Variants in PRKCB observed in about 807,000 individuals in gnomAD.
PRKCB encodes protein kinase C beta, also known as protein kinase C beta type.
A neutral mutation model predicts 81.5 loss-of-function variants in PRKCB; 13 were observed. That is an observed-to-expected ratio of 0.16 (90% CI 0.10 to 0.25). The LOEUF (loss-of-function observed/expected upper bound fraction) is 0.25, where lower values mean the gene tolerates loss of function less well. Among genes scored for constraint, PRKCB ranks in the 10% least tolerant of loss-of-function variants. The probability of loss-of-function intolerance (pLI) is 1.00; values close to 1 mark genes in which losing one functional copy is unlikely to be tolerated. For missense variants in PRKCB, 509 were observed against 875.7 expected, an observed-to-expected ratio of 0.58 and a Z score of 5.29; for synonymous variants, 335 against 321.4, an observed-to-expected ratio of 1.04 and a Z score of -0.45.
intron 10 of PRKCB, among the ~76,000 whole-genome samples, chr16:24,155,685 T>C (rs945071856): frequency 1.3e-5 from 2 of 152,212 alleles, no homozygotes; most frequent in Non-Finnish European, 2.9e-5. Context: ...GCCCAACCCA[T>C]ATATGAGATG....
chr16:24,133,493 A>C (rs1334811858), intron 9 of PRKCB, among the ~76,000 whole-genome samples: 1 of 152,128 alleles, frequency 6.6e-6, no homozygotes, highest in African/African-American at 2.4e-5. Context: ...GGAGTCCCCA[A>C]GTCTTGGAAG....
intron 2 of PRKCB, among the ~76,000 whole-genome samples, chr16:23,904,137 T>C (rs568828809): frequency 6.6e-6 from 1 of 152,288 alleles, no homozygotes; most frequent in African/African-American, 2.4e-5. Flanking sequence ...GGGGTGTGTC[T>C]ACCTTGTTCA....
In PRKCB at chr16:24,180,935, G is replaced by A. The variant is rs753197392; in HGVS notation, c.1533+7G>A. ...AGACTACATCGCCCCCGAGGTGAGA[G>A]CTGCTGGGCACACGTTCACATTGCG... On this transcript the variant is annotated splice_region_variant and intron_variant, in intron 13 of 16. Coordinates refer to ENST00000643927, the MANE Select transcript of PRKCB (RefSeq NM_002738.7). 1.9e-6 allele frequency: 3 copies of A among 1,613,684 alleles called. No homozygotes were observed. The highest frequency in any genetic ancestry group is 2.5e-6 in the Non-Finnish European group (3 of 1,179,732).
At chr16:24,084,101 C>T (rs892197042) in intron 5 of PRKCB, among the ~76,000 whole-genome samples, 1 of 152,008 alleles carries the variant, frequency 6.6e-6, no homozygotes, top group African/African-American at 2.4e-5. Context: ...AATATGGAAA[C>T]AAGCTTAAGG....
chr16:23,893,415 T>G (rs1353513819), intron 2 of PRKCB: 3 of 152,274 alleles, frequency 2.0e-5, no homozygotes, highest in Non-Finnish European at 4.4e-5. Context: ...GAGGATTTTC[T>G]AACATTCATG....
intron 7 of PRKCB, among the ~76,000 whole-genome samples, chr16:24,110,048 A>G (rs1374385741): frequency 7.5e-6 from 1 of 132,740 alleles, no homozygotes; most frequent in African/African-American, 3.5e-5. Context: ...TGGCAGCAGT[A>G]CAGTCCAGCT....
chr16:24,211,178 C>T (rs991845313), intron 16 of PRKCB, among the ~76,000 whole-genome samples: 1 of 152,140 alleles, frequency 6.6e-6, no homozygotes, highest in African/African-American at 2.4e-5. Context: ...ACAGCAGAAA[C>T]AATTTAGCTT....
intron 5 of PRKCB, among the ~76,000 whole-genome samples, chr16:24,076,597 G>T (rs1016812835): frequency 6.6e-6 from 1 of 152,204 alleles, no homozygotes; most frequent in African/African-American, 2.4e-5. Context: ...GGGGGGAGGA[G>T]CCTCAGGGTA....
rs1967611179 is a variant in PRKCB, at chr16:24,180,939, C to T, written c.1533+11C>T. 2 of 1,613,164 alleles carry T rather than the reference C, an allele frequency of 1.2e-6. No homozygotes were observed. The highest frequency in any genetic ancestry group is 1.7e-6 in the Non-Finnish European group (2 of 1,179,448). On this transcript the variant is annotated intron_variant, in intron 13 of 16. Coordinates refer to ENST00000643927, the MANE Select transcript of PRKCB (RefSeq NM_002738.7). ...TACATCGCCCCCGAGGTGAGAGCTGCTGGGCACACGTTCACATTGCGGTGA... is the reference window on the plus strand; with the variant it reads ...TACATCGCCCCCGAGGTGAGAGCTGTTGGGCACACGTTCACATTGCGGTGA...
chr16:24,202,790 C>G (rs1047973065), intron 16 of PRKCB, among the ~76,000 whole-genome samples: 4 of 152,212 alleles, frequency 2.6e-5, no homozygotes, highest in African/African-American at 9.6e-5. Context: ...TGAATAACTT[C>G]CTAGTTTCCT....
At chr16:24,007,412 T>C (rs1457940769) in intron 3 of PRKCB, among the ~76,000 whole-genome samples, 1 of 152,236 alleles carries the variant, frequency 6.6e-6, no homozygotes, top group Non-Finnish European at 1.5e-5. Context: ...AGAGAGGGGC[T>C]GATAAAATGA....
intron 3 of PRKCB, among the ~76,000 whole-genome samples, chr16:24,005,917 G>T (rs1349777487): frequency 6.6e-6 from 1 of 152,186 alleles, no homozygotes; most frequent in East Asian, 1.9e-4. Context: ...CAAAAATAAT[G>T]CTCCTTCCAG....
At chr16:24,120,575 A>G (rs1009813033) in intron 8 of PRKCB, among the ~76,000 whole-genome samples, 2 of 152,094 alleles carry the variant, frequency 1.3e-5, no homozygotes, top group African/African-American at 2.4e-5. Flanking sequence ...TCTCAGTGGA[A>G]ACAACCAGCA....
At chr16:24,085,506 T>C (rs755585492) in intron 5 of PRKCB, among the ~76,000 whole-genome samples, 1 of 152,194 alleles carries the variant, frequency 6.6e-6, no homozygotes, top group Non-Finnish European at 1.5e-5. Context: ...CCTCTATCAT[T>C]AGGGTAGTCA....
At chr16:23,986,072 T>A (rs1964799447) in intron 2 of PRKCB, among the ~76,000 whole-genome samples, 1 of 151,992 alleles carries the variant, frequency 6.6e-6, no homozygotes, top group African/African-American at 2.4e-5. Flanking sequence ...TAGACATGGA[T>A]CAAAGAGTTT....
intron 2 of PRKCB, among the ~76,000 whole-genome samples, chr16:23,983,400 C>T (rs1964763113): frequency 6.6e-6 from 1 of 152,152 alleles, no homozygotes; most frequent in Non-Finnish European, 1.5e-5. Flanking sequence ...GATTCTGCCT[C>T]AGTGGGGATG....
intron 2 of PRKCB, among the ~76,000 whole-genome samples, chr16:23,843,916 C>G (rs1241863135): frequency 6.6e-6 from 1 of 151,794 alleles, no homozygotes; most frequent in Non-Finnish European, 1.5e-5. Context: ...TTCTCTCTGT[C>G]TCTGCTTATC....
At chr16:24,058,442 T>C (rs936546302) in intron 5 of PRKCB, among the ~76,000 whole-genome samples, 1 of 148,828 alleles carries the variant, frequency 6.7e-6, no homozygotes, top group African/African-American at 2.5e-5. Context: ...CCAAAAACGG[T>C]GGGCTGCTAG....
chr16:23,878,356 A>G (rs1963049884), intron 2 of PRKCB, among the ~76,000 whole-genome samples: 1 of 152,154 alleles, frequency 6.6e-6, no homozygotes, highest in South Asian at 2.1e-4. Context: ...CATCTAACTC[A>G]CTGCCAACAG....
Sources: gnomAD v4.1 joint callset for allele counts (sites outside exome capture counted in the v4.1 genomes callset) on GRCh38, gnomAD v4.1.1 for gene constraint, MANE v1.5 for transcripts, NCBI Gene and HGNC (gene_info 2026-07-23, HGNC 2026-07-21) for gene names.